Variants in PANK2 observed in about 807,000 individuals in gnomAD.
The protein encoded by PANK2 is pantothenate kinase 2, mitochondrial.
PANK2 carries 36 observed loss-of-function variants against 43.1 expected under a neutral mutation model. That is an observed-to-expected ratio of 0.84 (90% CI 0.64 to 1.10). PANK2 has a LOEUF of 1.10. PANK2 is among the 50% of genes least tolerant of loss of function. PANK2 has a pLI of 0.00. For synonymous variants in PANK2, 281 were observed against 238.2 expected, an observed-to-expected ratio of 1.18 and a Z score of -1.66; for missense variants, 576 against 593.3, an observed-to-expected ratio of 0.97 and a Z score of 0.30.
chr20:3,916,904 G>T (rs1490271377), intron 4 of PANK2, 23 bp from the exon 5 acceptor site: 8 of 1,580,906 alleles, frequency 5.1e-6, no homozygotes, highest in Non-Finnish European at 6.9e-6. Flanking sequence ...TTTAGCAATG[G>T]GATTTTTTTT....
intron 1 of PANK2, among the ~76,000 whole-genome samples, chr20:3,905,423 T>C (rs1229704166): frequency 6.6e-6 from 1 of 150,500 alleles, no homozygotes; most frequent in Non-Finnish European, 1.5e-5. Flanking sequence ...TGATCTCCGC[T>C]CACTGCTCCG....
chr20:3,910,728 A>T lies in PANK2; in HGVS notation c.803A>T (p.Asp268Val). The T allele has an allele frequency of 6.2e-7, 1 of 1,614,158 alleles. No individual in the cohort carries two copies. Among genetic ancestry groups the T allele is most frequent in the South Asian group, 1.1e-5 (1 of 91,084 alleles). Residue 268 changes from aspartate to valine, a missense_variant, in exon 3 of 7, where the codon GAT becomes GTT. Around this residue, in one of 2 missense-constraint regions of PANK2, gnomAD observed 544 missense variants for 528.9 expected, o/e 1.03. Coordinates refer to ENST00000610179, the MANE Select transcript of PANK2 (RefSeq NM_001386393.1). ...GAAAAGTGTCAGAAGTTACCATTTGATTTGAAAAATCCGTATCCTCTGCTT... is the reference window on the plus strand; with the variant it reads ...GAAAAGTGTCAGAAGTTACCATTTGTTTTGAAAAATCCGTATCCTCTGCTT...
Position 3,910,672 on chromosome 20 carries a change from GTGCTATTACTTTGAAAA to G in PANK2, c.748_764del (p.Cys250ProfsTer3). On this transcript the variant is annotated frameshift_variant, in exon 3 of 7. Coordinates refer to ENST00000610179, the MANE Select transcript of PANK2 (RefSeq NM_001386393.1). LOFTEE classifies it high-confidence loss of function. The stretch of plus-strand genomic sequence containing the variant: ...CAGTCGGATTCAATGGACGGTCACA[GTGCTATTACTTTGAAAA>G]CCCTGCTGATTCTGAAAAGTGTCAG... The G allele has an allele frequency of 1.9e-6, 3 of 1,614,192 alleles. No homozygotes were observed. The highest frequency in any genetic ancestry group is 2.5e-6 in the Non-Finnish European group (3 of 1,180,040).
Position 3,914,460 on chromosome 20 carries a change from T to C in PANK2, c.1082+1826T>C, listed in dbSNP as rs562667135. On this transcript the variant is annotated intron_variant, in intron 4 of 6. Transcript: ENST00000610179. Reference sequence around the variant, plus strand: ...TCTCCTGAGTCACTAGGACTACAGCTGTGCACTGCCTTGCCTAATTTTTTT... The same window carrying C: ...TCTCCTGAGTCACTAGGACTACAGCCGTGCACTGCCTTGCCTAATTTTTTT... Among the ~76,000 whole-genome samples, 21 of 152,078 alleles carry C rather than the reference T, an allele frequency of 1.4e-4. No individual in the cohort carries two copies. In the South Asian group the frequency reaches 4.4e-3, roughly 32 times the overall value.
chr20:3,919,601 A>G (rs928322708), intron 6 of PANK2, among the ~76,000 whole-genome samples: 1 of 152,218 alleles, frequency 6.6e-6, no homozygotes, highest in East Asian at 1.9e-4. Flanking sequence ...AAAAGAATCA[A>G]ATTGCTCAAC....
At chr20:3,898,236 G>A (rs538365831) in intron 1 of PANK2, among the ~76,000 whole-genome samples, 2 of 150,792 alleles carry the variant, frequency 1.3e-5, no homozygotes, top group Admixed American at 1.4e-4. Flanking sequence ...GAGTCTTTCT[G>A]TCACCCAGGC....
intron 6 of PANK2, among the ~76,000 whole-genome samples, chr20:3,922,906 C>T (rs1217896542): frequency 6.6e-6 from 1 of 152,218 alleles, no homozygotes; most frequent in Non-Finnish European, 1.5e-5. Context: ...TGCTGCTTCT[C>T]ACCTCATTCC....
chr20:3,910,529 TTC>T (rs765963249), intron 2 of PANK2, 46 bp from the exon 3 acceptor site: 1 of 1,610,878 alleles, frequency 6.2e-7, no homozygotes, highest in African/African-American at 1.3e-5. Flanking sequence ...GAATTTTTGT[TTC>T]TGTTGGCTTA....
intron 1 of PANK2, among the ~76,000 whole-genome samples, chr20:3,893,597 G>T (rs1002126530): frequency 6.6e-6 from 1 of 152,120 alleles, no homozygotes; most frequent in African/African-American, 2.4e-5. Context: ...AAGATGACTC[G>T]CAAGGCATGT....
rs1202216949 is a variant in PANK2 at position 3,929,854 on chromosome 20, A to G, written c.*6560A>G. The G allele has an allele frequency of 1.3e-5, 2 of 152,268 alleles. No individual in the cohort carries two copies. The highest frequency in any genetic ancestry group is 6.5e-5 in the Admixed American group (1 of 15,286). The allele number at this position is 152,268 out of a possible 1,614,324, so 9.4% of individuals were successfully genotyped here. ...TTGTACAGAAAACTAAAATTTCAGT[A>G]TGTTGCAATAAAATGAAAATATGTC... On this transcript the variant is annotated 3_prime_UTR_variant, in exon 7 of 7. Coordinates refer to ENST00000610179, the MANE Select transcript of PANK2 (RefSeq NM_001386393.1).
intron 1 of PANK2, among the ~76,000 whole-genome samples, 171 bp from the exon 2 acceptor site, chr20:3,907,755 T>A (rs570375552): frequency 6.6e-6 from 1 of 152,304 alleles, no homozygotes; most frequent in African/African-American, 2.4e-5. Context: ...ATTTTTTTTT[T>A]AAGTTATGCA....
In PANK2 at chr20:3,917,063, G is replaced by A. The variant is rs756304827; in HGVS notation, c.1206+13G>A. On this transcript the variant is annotated intron_variant, in intron 5 of 6. Coordinates refer to ENST00000610179, the MANE Select transcript of PANK2 (RefSeq NM_001386393.1). ...TGCCCTTAATGAAGTAAGGGGACAT[G>A]GATTTCTTTAATTGCTCTAAGGAAA... 1.9e-6 allele frequency: 3 copies of A among 1,613,928 alleles called. No homozygotes were observed. In the South Asian group the frequency reaches 3.3e-5, roughly 18 times the overall value.
chr20:3,907,949 A>G lies in PANK2; in HGVS notation c.322A>G (p.Ile108Val), dbSNP rs188211202. ...AGTTTTTCCATGGTTTGGACTGGAT[A>G]TCGGTGGAACTCTGGTCAAGCTGGT... Residue 108 changes from isoleucine (I) to valine (V), a missense_variant, in exon 2 of 7, where the codon ATC (isoleucine) becomes GTC (valine). Physicochemically the swap from Ile to Val is conservative, Grantham distance 29. Coordinates refer to ENST00000610179, the MANE Select transcript of PANK2 (RefSeq NM_001386393.1). 3 of 1,614,190 alleles carry G rather than the reference A, an allele frequency of 1.9e-6. No homozygotes were observed. The highest frequency in any genetic ancestry group is 2.5e-6 in the Non-Finnish European group (3 of 1,180,030).
intron 4 of PANK2, among the ~76,000 whole-genome samples, chr20:3,915,281 A>G (rs886174685): frequency 7.3e-5 from 11 of 151,610 alleles, no homozygotes; most frequent in East Asian, 1.9e-4. Context: ...ATATATATAT[A>G]TGTGTGTGTG....
At chr20:3,895,257 G>A (rs1018620813) in intron 1 of PANK2, among the ~76,000 whole-genome samples, 1 of 152,024 alleles carries the variant, frequency 6.6e-6, no homozygotes, top group Non-Finnish European at 1.5e-5. Flanking sequence ...CTGGGAGACA[G>A]GGCGAGACTC....
chr20:3,889,834 C>G (rs758315667), intron 1 of PANK2, 106 bp downstream of exon 1: 7 of 1,537,054 alleles, frequency 4.6e-6, no homozygotes, highest in African/African-American at 1.4e-5. Flanking sequence ...GGACACTGTC[C>G]CCGCACGGTG....
chr20:3,895,513 A>G (rs2090193422), intron 1 of PANK2, among the ~76,000 whole-genome samples: 1 of 138,164 alleles, frequency 7.2e-6, no homozygotes, highest in South Asian at 2.4e-4. Flanking sequence ...TTTTTTTCTC[A>G]AAACATTTCA....
At chr20:3,892,439 A>T (rs1568553937) in intron 1 of PANK2, among the ~76,000 whole-genome samples, 1 of 148,618 alleles carries the variant, frequency 6.7e-6, no homozygotes, top group Non-Finnish European at 1.5e-5. Flanking sequence ...ACTAAGACTA[A>T]ATCTTTTTTA....
intron 1 of PANK2, among the ~76,000 whole-genome samples, chr20:3,897,420 G>A (rs779087541): frequency 6.6e-5 from 10 of 152,170 alleles, no homozygotes; most frequent in Non-Finnish European, 1.3e-4. Flanking sequence ...TGAGCTCTAG[G>A]CTGGATGTGT....
Sources: gnomAD v4.1 joint callset for allele counts (sites outside exome capture counted in the v4.1 genomes callset) on GRCh38, gnomAD v4.1.1 for gene constraint, gnomAD v4.1.1 regional missense constraint, MANE v1.5 for transcripts, NCBI Gene and HGNC (gene_info 2026-07-23, HGNC 2026-07-21) for gene names.